The following NELL1 variants were observed in gnomAD, a reference collection of about 807,000 sequenced individuals.
NELL1 encodes the protein neural EGFL like 1, also known as protein kinase C-binding protein NELL1.
A neutral mutation model predicts 107.4 loss-of-function variants in NELL1; 76 were observed. The ratio of observed to expected loss-of-function variants is 0.71; its 90% CI spans 0.59 to 0.86. The LOEUF is 0.86. NELL1 is among the 40% of genes least tolerant of loss of function. The pLI, the probability that NELL1 is intolerant of heterozygous loss-of-function variation, is 0.00. For synonymous variants in NELL1, 353 were observed against 341.2 expected (o/e 1.03, Z -0.38); for missense variants, 1,024 against 1,005.5 (o/e 1.02, Z -0.25).
intron 13 of NELL1, among the ~76,000 whole-genome samples, chr11:21,128,514 A>G (rs1855540244): frequency 1.3e-5 from 2 of 152,160 alleles, no homozygotes; most frequent in African/African-American, 2.4e-5. Flanking sequence ...ATTTTGAGGA[A>G]GTGTTGAAGA....
intron 13 of NELL1, among the ~76,000 whole-genome samples, chr11:21,223,172 T>C (rs1857803838): frequency 2.7e-5 from 4 of 150,750 alleles, no homozygotes; most frequent in Admixed American, 2.0e-4. Flanking sequence ...TTGGAATCTC[T>C]TCTCTCTCTC....
At chr11:20,697,793 G>A (rs1020865401) in intron 2 of NELL1, among the ~76,000 whole-genome samples, 1 of 152,100 alleles carries the variant, frequency 6.6e-6, no homozygotes, top group South Asian at 2.1e-4. Context: ...GGGGGAGGTG[G>A]CACCTGAACA....
At chr11:20,803,060 A>G (rs749622848) in intron 3 of NELL1, among the ~76,000 whole-genome samples, 1 of 152,040 alleles carries the variant, frequency 6.6e-6, no homozygotes, top group Non-Finnish European at 1.5e-5. Flanking sequence ...TGGTTTTGGT[A>G]TTAGGGTAAT....
At chr11:21,132,281 C>T (rs914374676) in intron 13 of NELL1, among the ~76,000 whole-genome samples, 1 of 152,078 alleles carries the variant, frequency 6.6e-6, no homozygotes, top group African/African-American at 2.4e-5. Context: ...GGGATTGTCA[C>T]GGGATCCTTG....
intron 2 of NELL1, among the ~76,000 whole-genome samples, chr11:20,707,689 T>A (rs1855002934): frequency 6.6e-6 from 1 of 152,338 alleles, no homozygotes; most frequent in South Asian, 2.1e-4. Flanking sequence ...ATAGCAAGTA[T>A]TGCAGAACGG....
At chr11:20,776,265 C>T (rs1220756334) in intron 2 of NELL1, among the ~76,000 whole-genome samples, 2 of 151,996 alleles carry the variant, frequency 1.3e-5, no homozygotes, top group African/African-American at 2.4e-5. Context: ...TGGCGAAACC[C>T]CATCTTCTAC....
At chr11:21,558,677 T>G (rs115942412) in intron 16 of NELL1, among the ~76,000 whole-genome samples, 1 of 152,096 alleles carries the variant, frequency 6.6e-6, no homozygotes, top group Non-Finnish European at 1.5e-5. Flanking sequence ...ATAGTGTATA[T>G]AGAAGATAAA....
intron 2 of NELL1, among the ~76,000 whole-genome samples, chr11:20,730,119 C>T (rs1855598156): frequency 6.6e-6 from 1 of 151,848 alleles, no homozygotes; most frequent in African/African-American, 2.4e-5. Context: ...TGCAAGGTAC[C>T]ATGTAGGAAC....
intron 16 of NELL1, among the ~76,000 whole-genome samples, chr11:21,539,061 AG>A (rs1213438465): frequency 2.0e-5 from 3 of 152,136 alleles, no homozygotes; most frequent in African/African-American, 7.2e-5. Flanking sequence ...TCTGTAAAGC[AG>A]GGATTCTCAA....
At chr11:21,029,082 A>C (rs1056464224) in intron 12 of NELL1, among the ~76,000 whole-genome samples, 1 of 152,072 alleles carries the variant, frequency 6.6e-6, no homozygotes, top group African/African-American at 2.4e-5. Flanking sequence ...CCAAGCAGAG[A>C]AGTACACAGA....
At chr11:21,436,749 A>G (rs562565268) in intron 15 of NELL1, among the ~76,000 whole-genome samples, 20 of 152,222 alleles carry the variant, frequency 1.3e-4, no homozygotes, top group African/African-American at 4.3e-4. Flanking sequence ...TTCAACTTTT[A>G]TAAAATAGAC....
At chr11:20,690,112 T>C (rs1178386128) in intron 2 of NELL1, among the ~76,000 whole-genome samples, 20 of 152,310 alleles carry the variant, frequency 1.3e-4, no homozygotes, top group Middle Eastern at 6.8e-3. Context: ...TCATATCCTT[T>C]GCCCACTTTT....
At chr11:21,500,588 G>T (rs545118110) in intron 15 of NELL1, among the ~76,000 whole-genome samples, 1 of 152,120 alleles carries the variant, frequency 6.6e-6, no homozygotes, top group Admixed American at 6.6e-5. Context: ...TCTGAGATCT[G>T]TATACATTTT....
chr11:20,979,181 T>G (rs1457255631), intron 12 of NELL1, among the ~76,000 whole-genome samples: 5 of 152,266 alleles, frequency 3.3e-5, no homozygotes. Flanking sequence ...TCCATTTATT[T>G]GCTTTATAAA....
chr11:21,054,269 C>G (rs770134811), intron 12 of NELL1, among the ~76,000 whole-genome samples: 1 of 151,948 alleles, frequency 6.6e-6, no homozygotes, highest in Admixed American at 6.6e-5. Flanking sequence ...TGCCAACATT[C>G]TTTTTCAAAT....
intron 14 of NELL1, among the ~76,000 whole-genome samples, chr11:21,352,253 A>G (rs1296827579): frequency 6.6e-6 from 1 of 152,016 alleles, no homozygotes; most frequent in Non-Finnish European, 1.5e-5. Context: ...CGCTTACTAT[A>G]ATTTGGATTA....
chr11:20,963,543 C>CA (rs1287313805), intron 12 of NELL1, among the ~76,000 whole-genome samples: 1 of 152,072 alleles, frequency 6.6e-6, no homozygotes, highest in African/African-American at 2.4e-5. Flanking sequence ...TTTATGATTA[C>CA]ATTTAGATGA....
At chr11:21,177,480 A>G (rs2133819876) in intron 13 of NELL1, among the ~76,000 whole-genome samples, 1 of 151,930 alleles carries the variant, frequency 6.6e-6, no homozygotes, top group South Asian at 2.1e-4. Flanking sequence ...TATTGTGTAT[A>G]TGTACCACAT....
intron 12 of NELL1, among the ~76,000 whole-genome samples, chr11:21,105,684 C>T (rs1854936876): frequency 6.6e-6 from 1 of 152,030 alleles, no homozygotes; most frequent in African/African-American, 2.4e-5. Flanking sequence ...TTTGGTGCTG[C>T]TTTTCATTAA....
Sources: allele counts gnomAD v4.1 joint callset (sites outside exome capture counted in the v4.1 genomes callset), GRCh38; gene constraint gnomAD v4.1.1; transcripts MANE v1.5; gene names NCBI Gene and HGNC (gene_info 2026-07-23, HGNC 2026-07-21).